The following TMEM131 variants were observed in gnomAD, a reference collection of about 807,000 sequenced individuals.
TMEM131 encodes 2610524E03Rik.
A neutral mutation model predicts 211.6 loss-of-function variants in TMEM131; 66 were observed. That is an observed-to-expected ratio of 0.31 (90% CI 0.26 to 0.38). The LOEUF is 0.38. TMEM131 is among the 10% of genes least tolerant of loss of function. The pLI, the probability that TMEM131 is intolerant of heterozygous loss-of-function variation, is 1.00. For missense variants in TMEM131, 2,036 were observed against 2,299.3 expected (o/e 0.89, Z 2.34); for synonymous variants, 844 against 841.3 (o/e 1.00, Z -0.06).
chr2:97,835,000 T>C (rs964916927), intron 8 of TMEM131, 75 bp from the exon 9 acceptor site: 1 of 1,490,736 alleles, frequency 6.7e-7, no homozygotes, highest in Middle Eastern at 1.7e-4. Context: ...TTGAACTGGA[T>C]GACACTGACT....
chr2:97,959,513 T>TTC (rs1039112382), intron 1 of TMEM131, among the ~76,000 whole-genome samples: 3 of 151,824 alleles, frequency 2.0e-5, no homozygotes, highest in Non-Finnish European at 2.9e-5. Flanking sequence ...CATTCTCCCT[T>TTC]TCTCTCTCTC....
intron 3 of TMEM131, among the ~76,000 whole-genome samples, chr2:97,892,554 G>T: frequency 6.6e-6 from 1 of 152,012 alleles, no homozygotes. Flanking sequence ...GTAGATACAG[G>T]GTGTCACTAT....
intron 1 of TMEM131, among the ~76,000 whole-genome samples, chr2:97,958,358 G>A (rs373876822): frequency 2.0e-5 from 3 of 152,132 alleles, no homozygotes; most frequent in South Asian, 2.1e-4. Context: ...GTCTCTCAAC[G>A]ACCTTCCAAT....
At chr2:97,804,576 T>A in intron 22 of TMEM131, among the ~76,000 whole-genome samples, 1 of 129,092 alleles carries the variant, frequency 7.7e-6, no homozygotes, top group Non-Finnish European at 1.5e-5. Flanking sequence ...TGCAGGAGAA[T>A]CACGCCACTG....
intron 1 of TMEM131, 27 bp downstream of exon 1, chr2:97,995,449 G>A (rs1185176179): frequency 4.4e-6 from 6 of 1,350,908 alleles, no homozygotes; most frequent in Admixed American, 7.1e-5. Flanking sequence ...CAGCCCCGCC[G>A]CAGGGACGCC....
chr2:97,793,017 A>G (rs1248138965), intron 30 of TMEM131, 33 bp from the exon 31 acceptor site: 2 of 1,403,492 alleles, frequency 1.4e-6, no homozygotes, highest in Non-Finnish European at 1.9e-6. Context: ...ATCAGTAAAT[A>G]GCAACCTACA....
At position 97,812,763 on chromosome 2, in the gene TMEM131, A is replaced by G. The variant is rs1351102469; in HGVS notation, c.1618-14T>C. On this transcript the variant is annotated splice_polypyrimidine_tract_variant and intron_variant, in intron 15 of 40. Coordinates refer to ENST00000186436, the MANE Select transcript of TMEM131 (RefSeq NM_015348.2). ...CAATACAAAGTACTGGAAAGATATA[A>G]AAGAACCAGATTAAAAAAAAGTCAC... 1.4e-6 allele frequency: 2 copies of G among 1,404,386 alleles called. No homozygotes were observed. The highest frequency in any genetic ancestry group is 1.9e-6 in the Non-Finnish European group (2 of 1,027,026). The allele number at this position is 1,404,386 out of a possible 1,614,324, so 87.0% of individuals were successfully genotyped here. A position where few individuals can be genotyped will look rare whatever the true frequency, so the allele number is the denominator to read the frequency against.
At chr2:97,885,069 G>A (rs1234193456) in intron 4 of TMEM131, among the ~76,000 whole-genome samples, 2 of 152,228 alleles carry the variant, frequency 1.3e-5, no homozygotes, top group South Asian at 2.1e-4. Context: ...GGCTCTACCA[G>A]TGAATTTTAT....
At chr2:97,976,060 G>A (rs1156801585) in intron 1 of TMEM131, among the ~76,000 whole-genome samples, 1 of 152,074 alleles carries the variant, frequency 6.6e-6, no homozygotes, top group Admixed American at 6.6e-5. Context: ...TCCTCAACCT[G>A]GGAAAGGGCA....
intron 7 of TMEM131, among the ~76,000 whole-genome samples, chr2:97,841,426 T>C (rs1447786231): frequency 1.3e-5 from 2 of 152,240 alleles, no homozygotes. Flanking sequence ...ACCAAAAATT[T>C]ATTATTTCCA....
In TMEM131 at chr2:97,821,598, C is replaced by T. The variant is rs574820238; in HGVS notation, c.1075-2877G>A. Among the ~76,000 whole-genome samples the T allele has an allele frequency of 3.9e-5, 6 of 152,358 alleles. No individual in the cohort carries two copies. The South Asian group carries it at 8.3e-4, about 21-fold the overall frequency. ...TGAAGTCAGCAAGACCACGAACTCA[C>T]TGGAAGGAAGAAATTCCGGACACAT... On this transcript the variant is annotated intron_variant, in intron 11 of 40. Transcript: ENST00000186436.
Position 97,825,036 on chromosome 2 carries a change from T to C in TMEM131, c.1075-6315A>G, listed in dbSNP as rs543505559. ...GTTCTGGACCTCAAGAATGTCTTCT[T>C]CTGTATTCCCCTGCACTCTGACTCC... On this transcript the variant is annotated intron_variant, in intron 11 of 40. Transcript: ENST00000186436. Among the ~76,000 whole-genome samples, 118 of 152,332 alleles carry C rather than the reference T, an allele frequency of 7.7e-4. No individual in the cohort carries two copies. In the Middle Eastern group the frequency reaches 0.02, roughly 26 times the overall value.
At chr2:97,884,319 G>A (rs554383251) in intron 4 of TMEM131, among the ~76,000 whole-genome samples, 1 of 152,190 alleles carries the variant, frequency 6.6e-6, no homozygotes, top group Non-Finnish European at 1.5e-5. Flanking sequence ...AAATTTTTTT[G>A]AGATTCATTT....
At chr2:97,976,376 T>A (rs1398313728) in intron 1 of TMEM131, among the ~76,000 whole-genome samples, 1 of 152,134 alleles carries the variant, frequency 6.6e-6, no homozygotes, top group African/African-American at 2.4e-5. Flanking sequence ...TTCTATATAC[T>A]AGCAATGAAC....
chr2:97,829,593 C>T (rs1163845341), intron 11 of TMEM131, among the ~76,000 whole-genome samples: 1 of 152,184 alleles, frequency 6.6e-6, no homozygotes, highest in Admixed American at 6.5e-5. Context: ...AGCTAGCCAC[C>T]CAAGCCAGCA....
chr2:97,932,364 T>C (rs1167450947), intron 1 of TMEM131, among the ~76,000 whole-genome samples: 3 of 152,104 alleles, frequency 2.0e-5, no homozygotes, highest in Non-Finnish European at 4.4e-5. Context: ...ATCTGAAAAA[T>C]GTAACATATA....
intron 1 of TMEM131, among the ~76,000 whole-genome samples, chr2:97,932,905 C>T (rs535885687): frequency 5.3e-5 from 8 of 152,280 alleles, no homozygotes; most frequent in East Asian, 1.9e-4. Flanking sequence ...TTTTGGTCAA[C>T]GATGGACTGC....
At chr2:97,961,064 G>A (rs7605180) in intron 1 of TMEM131, among the ~76,000 whole-genome samples, 113,925 of 151,620 alleles carry the variant, frequency 0.75, 44,474 homozygotes, top group African/African-American at 0.87. Context: ...AACTGACATC[G>A]TACTTGATGG....
At chr2:97,891,930 C>T (rs981134367) in intron 3 of TMEM131, among the ~76,000 whole-genome samples, 1 of 152,086 alleles carries the variant, frequency 6.6e-6, no homozygotes, top group Admixed American at 6.6e-5. Context: ...GATCCACAAA[C>T]ATTACAGCCA....
Sources: gnomAD v4.1 joint callset for allele counts (sites outside exome capture counted in the v4.1 genomes callset) on GRCh38, gnomAD v4.1.1 for gene constraint, MANE v1.5 for transcripts, NCBI Gene and HGNC (gene_info 2026-07-23, HGNC 2026-07-21) for gene names.